Variants in MEN1 observed in about 807,000 individuals in gnomAD.
MEN1 encodes menin 1.
MEN1 carries 6 observed loss-of-function variants against 58.0 expected under a neutral mutation model. The observed-to-expected ratio is 0.10, with a 90% CI of 0.06 to 0.20. The LOEUF (loss-of-function observed/expected upper bound fraction) is 0.20. Among genes scored for constraint, MEN1 ranks in the 10% least tolerant of loss-of-function variants. The pLI, the probability that MEN1 is intolerant of heterozygous loss-of-function variation, is 1.00. For synonymous variants in MEN1, 346 were observed against 350.7 expected (o/e 0.99, Z 0.15); for missense variants, 492 against 818.5 (o/e 0.60, Z 4.87).
Position 64,804,606 on chromosome 11 carries a change from T to C in MEN1, c.1561A>G (p.Thr521Ala), listed in dbSNP as rs1565636917. The C allele has an allele frequency of 6.2e-7, 1 of 1,610,614 alleles. No homozygotes were observed. Among genetic ancestry groups the C allele is most frequent in the Non-Finnish European group, 8.5e-7 (1 of 1,179,376 alleles). The change falls in exon 10 of 10, where the codon ACT becomes GCT. Residue 521 changes from threonine to alanine, a missense_variant. Thr to Ala is a moderately conservative substitution (Grantham distance 58). Coordinates refer to ENST00000450708, the MANE Select transcript of MEN1 (RefSeq NM_001370259.2). The surrounding 1 kb of genome is among the most constrained non-coding windows in gnomAD (Gnocchi z 4.2). ...GGGCCTCGGGCTGTGCCAGCGACAGTCCCAGGAGGCTTCCGGGGGGGTCCT... is the reference window on the plus strand; with the variant it reads ...GGGCCTCGGGCTGTGCCAGCGACAGCCCCAGGAGGCTTCCGGGGGGGTCCT... Reference protein sequence around the residue: ...VSGPPRKPPGTVAGTARGPEG... With the variant: ...VSGPPRKPPGAVAGTARGPEG...
chr11:64,809,795 G>C lies in MEN1; in HGVS notation c.315C>G (p.Leu105=), dbSNP rs1238374960. ...TGGAGACACCCCCTTCTCGAGGATA[G>C]AGGGACAGGTCGACGGCGCCTCGGA... ...AQIRGAVDLS[L]YPREGGVSSR... Residue 105 remains leucine, a synonymous_variant, in exon 2 of 10, where the codon CTC becomes CTG. Coordinates refer to ENST00000450708, the MANE Select transcript of MEN1 (RefSeq NM_001370259.2). The C allele has an allele frequency of 2.5e-6, 4 of 1,613,910 alleles. No homozygotes were observed. The African/African-American group carries it at 5.3e-5, about 22-fold the overall frequency.
Position 64,809,843 on chromosome 11 carries a change from G to C in MEN1, c.267C>G (p.Leu89=), listed in dbSNP as rs1060499972. The change falls in exon 2 of 10, where the codon CTC becomes CTG. Residue 89 remains leucine (L), a synonymous_variant. Transcript: ENST00000450708. ...PVADLSIIAA[L]YARFTAQIRG... is the part of the protein sequence containing the mutation. The stretch of plus-strand genomic sequence containing the variant: ...GGATCTGGGCGGTGAAGCGGGCATA[G>C]AGGGCGGCGATGATAGACAGGTCGG... 3.1e-6 allele frequency: 5 copies of C among 1,613,080 alleles called. No individual in the cohort carries two copies. The highest frequency in any genetic ancestry group is 2.7e-5 in the African/African-American group (2 of 74,856).
In MEN1 at chr11:64,807,843, G is replaced by C. The variant is rs200876611; in HGVS notation, c.654+48C>G. ...GAAAATGGAGTCCCTTGGGTGGCTTGGGCTACTACAGTATGAAGGGGACAA... is the reference window on the plus strand; with the variant it reads ...GAAAATGGAGTCCCTTGGGTGGCTTCGGCTACTACAGTATGAAGGGGACAA... On this transcript the variant is annotated intron_variant, in intron 3 of 9. Coordinates refer to ENST00000450708, the MANE Select transcript of MEN1 (RefSeq NM_001370259.2). This position sits in a 1 kb window ranked among gnomAD's most constrained non-coding sequence, Gnocchi z 4.9. 6.2e-7 allele frequency: 1 copy of C among 1,610,420 alleles called. No homozygotes were observed. Among genetic ancestry groups the C allele is most frequent in the Non-Finnish European group, 8.5e-7 (1 of 1,176,908 alleles).
chr11:64,806,124 A>G (rs1301331647), intron 7 of MEN1, 108 bp downstream of exon 7: 6 of 1,467,288 alleles, frequency 4.1e-6, no homozygotes, highest in East Asian at 2.3e-5. Context: ...GACTGGATGG[A>G]AAGGGGATGG....
Position 64,807,456 on chromosome 11 carries a change from A to C in MEN1, c.783+96T>G. The C allele has an allele frequency of 7.4e-7, 1 of 1,346,146 alleles. No homozygotes were observed. The highest frequency in any genetic ancestry group is 1.1e-6 in the Non-Finnish European group (1 of 951,520). The allele number at this position is 1,346,146 out of a possible 1,614,324, so 83.4% of individuals were successfully genotyped here. A position where few individuals can be genotyped will look rare whatever the true frequency, so the allele number is the denominator to read the frequency against. ...ACTAACCCATTTTTCCAGGAGGGGAAGCTGAAGCTCAGGAAGGGAAAGTGC... is the reference window on the plus strand; with the variant it reads ...ACTAACCCATTTTTCCAGGAGGGGACGCTGAAGCTCAGGAAGGGAAAGTGC... On this transcript the variant is annotated intron_variant, in intron 4 of 9. Coordinates refer to ENST00000450708, the MANE Select transcript of MEN1 (RefSeq NM_001370259.2). The surrounding 1 kb of genome is among the most constrained non-coding windows in gnomAD (Gnocchi z 4.9).
In MEN1 at chr11:64,807,500, A is replaced by AAGTCTG; in HGVS notation, c.783+51_783+52insCAGACT. Reference sequence around the variant, plus strand: ...AAAGTGCCCCTGCCCAGGGTCCCACAGCAAGTCAAGTCTGGCCTAGCCCAG... The same window carrying AAGTCTG: ...AAAGTGCCCCTGCCCAGGGTCCCACAAGTCTGGCAAGTCAAGTCTGGCCTAGCCCAG... On this transcript the variant is annotated intron_variant, in intron 4 of 9. Transcript: ENST00000450708. This position sits in a 1 kb window ranked among gnomAD's most constrained non-coding sequence, Gnocchi z 4.9. 1 of 1,604,664 alleles carries AAGTCTG rather than the reference A, an allele frequency of 6.2e-7. No homozygotes were observed. Among genetic ancestry groups the AAGTCTG allele is most frequent in the Middle Eastern group, 1.7e-4 (1 of 5,980 alleles).
intron 7 of MEN1, 132 bp from the exon 8 acceptor site, chr11:64,805,902 G>A: frequency 4.3e-6 from 4 of 921,866 alleles, no homozygotes; most frequent in Non-Finnish European, 7.1e-6. Flanking sequence ...AAATGATGCT[G>A]TCTGGGTCAG....
In MEN1 at chr11:64,806,255, C is replaced by T. The variant is rs878855184; in HGVS notation, c.1026G>A (p.Ala342=). 1.5e-5 allele frequency: 24 copies of T among 1,614,056 alleles called. No individual in the cohort carries two copies. Among genetic ancestry groups the T allele is most frequent in the South Asian group, 2.2e-5 (2 of 91,088 alleles). ...RNVREALQAW[A]DTATVIQDYN... ...ACTCCTGGATGACAGTGGCCGTGTC[C>T]GCCCAGGCCTGCAGGGCTTCCCGCA... Residue 342 remains alanine (A), a synonymous_variant, in exon 7 of 10, where the codon GCG becomes GCA. Coordinates refer to ENST00000450708, the MANE Select transcript of MEN1 (RefSeq NM_001370259.2).
At position 64,807,198 on chromosome 11, in the gene MEN1, C is replaced by A. The variant is rs878855199; in HGVS notation, c.805G>T (p.Asp269Tyr). The A allele has an allele frequency of 6.2e-7, 1 of 1,613,838 alleles. No individual in the cohort carries two copies. Among genetic ancestry groups the A allele is most frequent in the South Asian group, 1.1e-5 (1 of 91,008 alleles). The change falls in exon 5 of 10, where the codon GAC becomes TAC. Residue 269 changes from aspartate (D) to tyrosine (Y), a missense_variant. Around this residue, in one of 5 missense-constraint regions of MEN1, gnomAD observed 335 missense variants for 550.3 expected, o/e 0.61. Coordinates refer to ENST00000450708, the MANE Select transcript of MEN1 (RefSeq NM_001370259.2). The surrounding 1 kb of genome is among the most constrained non-coding windows in gnomAD (Gnocchi z 4.9). Reference protein sequence around the residue: ...LQQKLLWLLYDLGHLERYPMA... With the variant: ...LQQKLLWLLYYLGHLERYPMA... ...ACTGACCTTTCCAGATGTCCCAGGTCATAGAGCAGCCAGAGCAGCTTCTAG... is the reference window on the plus strand; with the variant it reads ...ACTGACCTTTCCAGATGTCCCAGGTAATAGAGCAGCCAGAGCAGCTTCTAG...
rs890924747 is a variant in MEN1, at chr11:64,807,388, T to C, written c.783+164A>G. On this transcript the variant is annotated intron_variant, in intron 4 of 9. Coordinates refer to ENST00000450708, the MANE Select transcript of MEN1 (RefSeq NM_001370259.2). This position sits in a 1 kb window ranked among gnomAD's most constrained non-coding sequence, Gnocchi z 4.9. ...GAGTCAAAGCAATTTCACATCTCAATTCTACTCTCCCAAGAGCCCTGGGAA... is the reference window on the plus strand; with the variant it reads ...GAGTCAAAGCAATTTCACATCTCAACTCTACTCTCCCAAGAGCCCTGGGAA... 5.9e-5 allele frequency among the ~76,000 whole-genome samples: 9 copies of C among 152,170 alleles called. No homozygotes were observed. The highest frequency in any genetic ancestry group is 8.8e-5 in the Non-Finnish European group (6 of 68,008).
At chr11:64,810,785 G>A (rs1357118092), upstream of MEN1, 1 of 152,226 alleles carries the variant, frequency 6.6e-6, no homozygotes, top group African/African-American at 2.4e-5. Flanking sequence ...TGCCCGCAGT[G>A]CCTTCTGGAA....
Position 64,807,792 on chromosome 11 carries a change from G to A in MEN1, c.654+99C>T. On this transcript the variant is annotated intron_variant, in intron 3 of 9. Transcript: ENST00000450708. This position sits in a 1 kb window ranked among gnomAD's most constrained non-coding sequence, Gnocchi z 4.9. The stretch of plus-strand genomic sequence containing the variant: ...TGTCTTCCCTTCCTATGTGGGTGGT[G>A]ATGGGAAGAAAGGGGTGTGGCCCAA... The A allele has an allele frequency of 6.2e-7, 1 of 1,606,674 alleles. No individual in the cohort carries two copies. Among genetic ancestry groups the A allele is most frequent in the East Asian group, 2.2e-5 (1 of 44,828 alleles).
At chr11:64,808,332 C>T (rs917674178) in intron 2 of MEN1, among the ~76,000 whole-genome samples, 2 of 152,194 alleles carry the variant, frequency 1.3e-5, no homozygotes, top group African/African-American at 4.8e-5. Flanking sequence ...CTGTAGCTGA[C>T]CCAGCCTTTG....
In MEN1 at chr11:64,804,532, C is replaced by T. The variant is rs1349729840; in HGVS notation, c.1635G>A (p.Pro545=). The T allele has an allele frequency of 1.4e-5, 22 of 1,613,900 alleles. No individual in the cohort carries two copies. Among genetic ancestry groups the T allele is most frequent in the Non-Finnish European group, 1.9e-5 (22 of 1,180,010 alleles). ...GGAAAGTGAGCACTGGACCCTCCGG[C>T]GGTGGTGATGCTGTGGGTGCTGGCA... The part of the protein sequence containing the change: ...AQVPAPTASP[P]PEGPVLTFQS... The change falls in exon 10 of 10, where the codon CCG becomes CCA. Residue 545 remains proline, a synonymous_variant. Transcript: ENST00000450708. The surrounding 1 kb of genome is among the most constrained non-coding windows in gnomAD (Gnocchi z 4.2).
At position 64,804,578 on chromosome 11, in the gene MEN1, T is replaced by G. The variant is rs1565636654; in HGVS notation, c.1589A>C (p.Glu530Ala). The change falls in exon 10 of 10, where the codon GAA becomes GCA. Residue 530 changes from glutamate to alanine, a missense_variant. Physicochemically the swap from Glu to Ala is moderately radical, Grantham distance 107 (BLOSUM62 -1). Coordinates refer to ENST00000450708, the MANE Select transcript of MEN1 (RefSeq NM_001370259.2). This position sits in a 1 kb window ranked among gnomAD's most constrained non-coding sequence, Gnocchi z 4.2. ...TGGCACCTGAGCCGTGCTGCCACCTTCAGGGCCTCGGGCTGTGCCAGCGAC... is the reference window on the plus strand; with the variant it reads ...TGGCACCTGAGCCGTGCTGCCACCTGCAGGGCCTCGGGCTGTGCCAGCGAC... ...GTVAGTARGP[E>A]GGSTAQVPAP... is the part of the protein sequence containing the mutation. The G allele has an allele frequency of 6.2e-7, 1 of 1,612,576 alleles. No individual in the cohort carries two copies. Among genetic ancestry groups the G allele is most frequent in the Non-Finnish European group, 8.5e-7 (1 of 1,179,940 alleles).
At position 64,804,676 on chromosome 11, in the gene MEN1, C is replaced by T. The variant is rs2136087753; in HGVS notation, c.1491G>A (p.Lys497=). The change falls in exon 10 of 10, where the codon AAG becomes AAA. Residue 497 remains lysine (K), a synonymous_variant. Transcript: ENST00000450708. The surrounding 1 kb of genome is among the most constrained non-coding windows in gnomAD (Gnocchi z 4.2). ...SKPEEPPPPK[K]PALDKGLGTG... ...TGCCCAGGCCCTTGTCCAGTGCTGG[C>T]TTCTTGGGCGGCGGGGGCTCCTCTG... The T allele has an allele frequency of 1.3e-6, 2 of 1,595,622 alleles. No homozygotes were observed. The highest frequency in any genetic ancestry group is 1.7e-6 in the Non-Finnish European group (2 of 1,175,352).
Position 64,807,886 on chromosome 11 carries a change from A to G in MEN1, c.654+5T>C, listed in dbSNP as rs757049384. ...GGGGACAAGGCTGGGGGGAGGGAAC[A>G]ATACCCGCTCAGCCACACCGGCATT... On this transcript the variant is annotated splice_donor_5th_base_variant and intron_variant, in intron 3 of 9. Transcript: ENST00000450708. The surrounding 1 kb of genome is among the most constrained non-coding windows in gnomAD (Gnocchi z 4.9). The G allele has an allele frequency of 5.6e-6, 9 of 1,613,876 alleles. No individual in the cohort carries two copies. The highest frequency in any genetic ancestry group is 1.3e-5 in the African/African-American group (1 of 74,882).
chr11:64,809,688 T>C lies in MEN1; in HGVS notation c.422A>G (p.Gln141Arg), dbSNP rs758846538. 6.2e-7 allele frequency: 1 copy of C among 1,614,180 alleles called. No individual in the cohort carries two copies. The highest frequency in any genetic ancestry group is 8.5e-7 in the Non-Finnish European group (1 of 1,180,026). Residue 141 changes from glutamine (Q) to arginine (R), a missense_variant, in exon 2 of 10, where the codon CAG (glutamine) becomes CGG (arginine). Around this residue, in one of 5 missense-constraint regions of MEN1, gnomAD observed 335 missense variants for 550.3 expected, o/e 0.61. Transcript: ENST00000450708. The part of the protein sequence containing the change: ...RSYFKDRAHI[Q>R]SLFSFITGTK... Reference sequence around the variant, plus strand: ...ACCTGTGATGAAGCTGAAGAGGGACTGGATGTGGGCCCGATCCTTGAAGTA... The same window carrying C: ...ACCTGTGATGAAGCTGAAGAGGGACCGGATGTGGGCCCGATCCTTGAAGTA...
At chr11:64,806,447 A>G in intron 6 of MEN1, 79 bp from the exon 7 acceptor site, 1 of 1,537,380 alleles carries the variant, frequency 6.5e-7, no homozygotes, top group East Asian at 2.3e-5. Flanking sequence ...ACCAGGGCAC[A>G]CCCAGAAGGG....
Sources: allele counts gnomAD v4.1 joint callset (sites outside exome capture counted in the v4.1 genomes callset), GRCh38; gene constraint gnomAD v4.1.1; regional missense constraint gnomAD v4.1.1; non-coding constraint Gnocchi (gnomAD v3.1); transcripts MANE v1.5; gene names NCBI Gene and HGNC (gene_info 2026-07-23, HGNC 2026-07-21).